The following SRPRB variants were observed in gnomAD, a reference collection of about 807,000 sequenced individuals.
SRPRB encodes SRP receptor subunit beta.
In SRPRB, 20 loss-of-function variants were observed where a neutral mutation model predicts 31.9. That is an observed-to-expected ratio of 0.63 (90% confidence interval 0.44 to 0.91). The LOEUF is 0.91. Ranked by LOEUF, SRPRB falls within the 40% of genes least tolerant of loss-of-function variation. SRPRB has a pLI of 0.00. For missense variants in SRPRB, 321 were observed against 324.9 expected (o/e 0.99, Z 0.09); for synonymous variants, 146 against 132.8 (o/e 1.10, Z -0.68).
At chr3:133,789,659 C>T (rs528770351) in intron 1 of SRPRB, 12 of 152,216 alleles carry the variant, frequency 7.9e-5, no homozygotes, top group Admixed American at 3.9e-4. Context: ...GTAAATAAGT[C>T]GAAGCAATTT....
At chr3:133,797,406 C>T (rs1234502123) in intron 1 of SRPRB, among the ~76,000 whole-genome samples, 1 of 152,132 alleles carries the variant, frequency 6.6e-6, no homozygotes, top group African/African-American at 2.4e-5. Flanking sequence ...TATAGCCTTG[C>T]TTTGTATGTG....
chr3:133,818,152 T>C (rs1273824909), intron 6 of SRPRB, among the ~76,000 whole-genome samples: 6 of 152,290 alleles, frequency 3.9e-5, no homozygotes, highest in African/African-American at 1.2e-4. Flanking sequence ...ATTGGAACAA[T>C]TGGATGGTTG....
chr3:133,787,125 T>TA (rs1464925104), intron 1 of SRPRB: 1 of 152,254 alleles, frequency 6.6e-6, no homozygotes, highest in Non-Finnish European at 1.5e-5. Flanking sequence ...TTTTGCTGTG[T>TA]ATGTAGAGTA....
chr3:133,817,839 T>C (rs1007238675), intron 6 of SRPRB, among the ~76,000 whole-genome samples: 2 of 152,234 alleles, frequency 1.3e-5, no homozygotes, highest in African/African-American at 2.4e-5. Flanking sequence ...AATGTGTTCC[T>C]GTACTCAGGA....
downstream of SRPRB, chr3:133,824,762 A>G (rs1935530042): frequency 6.6e-6 from 1 of 152,214 alleles, no homozygotes; most frequent in Non-Finnish European, 1.5e-5. Flanking sequence ...TGCTGGGAAG[A>G]ACCTAGTGTC....
chr3:133,795,734 C>T (rs1934951284), intron 1 of SRPRB: 1 of 152,056 alleles, frequency 6.6e-6, no homozygotes, highest in African/African-American at 2.4e-5. Flanking sequence ...TGCCACCACG[C>T]CCGGCTAATT....
upstream of SRPRB, among the ~76,000 whole-genome samples, chr3:133,804,541 T>C (rs531191868): frequency 2.6e-5 from 4 of 152,312 alleles, no homozygotes; most frequent in East Asian, 7.7e-4. Context: ...ATGGCATCAG[T>C]ACTAGGTTGG....
intron 1 of SRPRB, 121 bp downstream of exon 1, chr3:133,806,123 G>A: frequency 1.5e-6 from 2 of 1,321,604 alleles, no homozygotes; most frequent in Non-Finnish European, 2.1e-6. Context: ...AGGAGGGTGA[G>A]ACCCACCCAG....
intron 4 of SRPRB, among the ~76,000 whole-genome samples, chr3:133,813,672 GATT>G (rs577747944): frequency 5.8e-4 from 88 of 152,290 alleles, no homozygotes; most frequent in African/African-American, 2.0e-3. Flanking sequence ...TTGGGGTGCT[GATT>G]ATTCTCTTTG....
intron 1 of SRPRB, chr3:133,786,415 G>A (rs1047855165): frequency 6.6e-6 from 1 of 152,148 alleles, no homozygotes; most frequent in Non-Finnish European, 1.5e-5. Flanking sequence ...TTGTGTTTGT[G>A]CACTGGTTCA....
At chr3:133,818,769 T>A (rs1935410248) in intron 6 of SRPRB, among the ~76,000 whole-genome samples, 1 of 149,280 alleles carries the variant, frequency 6.7e-6, no homozygotes, top group South Asian at 2.2e-4. Flanking sequence ...GTATTGTTTT[T>A]TAAAAATACT....
At position 133,805,881 on chromosome 3, in the gene SRPRB, T is replaced by C. The variant is rs1559889838; in HGVS notation, c.33T>C (p.Asp11=). 1.9e-6 allele frequency: 3 copies of C among 1,612,628 alleles called. No individual in the cohort carries two copies. The highest frequency in any genetic ancestry group is 1.1e-5 in the South Asian group (1 of 90,904). The change falls in exon 1 of 7, where the codon GAT becomes GAC. Residue 11 remains aspartate (D), a synonymous_variant. Transcript: ENST00000678299. The part of the protein sequence containing the change: MASADSRRVA[D]GGGAGGTFQP... ...CCGCGGACTCGCGCCGGGTGGCAGA[T>C]GGCGGCGGTGCCGGGGGCACCTTCC...
downstream of SRPRB, among the ~76,000 whole-genome samples, chr3:133,822,604 T>C (rs961396516): frequency 3.9e-5 from 6 of 152,216 alleles, no homozygotes; most frequent in African/African-American, 1.4e-4. Context: ...CAGTGCCTCC[T>C]GGGCTGTCAG....
At chr3:133,806,097 G>GCGCCTTGAGGGCATCAGGAGGGTGAGA (rs1559889951) in intron 1 of SRPRB, 95 bp downstream of exon 1, 3 of 1,492,968 alleles carry the variant, frequency 2.0e-6, no homozygotes, top group African/African-American at 2.8e-5. Context: ...GGCTGAGAGG[G>GCGCCTTGAGGGCATCAGGAGGGTGAGA]CGCCTTGAGG....
At chr3:133,808,684 A>AGAC (rs1236803575) in intron 3 of SRPRB, among the ~76,000 whole-genome samples, 1 of 151,954 alleles carries the variant, frequency 6.6e-6, no homozygotes, top group Non-Finnish European at 1.5e-5. Context: ...TGAGGTCAGG[A>AGAC]GTTCAAGACC....
chr3:133,819,172 T>A (rs1393674519), intron 6 of SRPRB, among the ~76,000 whole-genome samples: 1 of 152,206 alleles, frequency 6.6e-6, no homozygotes, highest in Admixed American at 6.5e-5. Context: ...ACATACCCTA[T>A]CTACCCACAC....
At chr3:133,823,849 A>G (rs1935512239), downstream of SRPRB, among the ~76,000 whole-genome samples, 1 of 152,086 alleles carries the variant, frequency 6.6e-6, no homozygotes, top group African/African-American at 2.4e-5. Context: ...TCTGAAAATC[A>G]CCAGAAGCAT....
At chr3:133,827,151 G>A (rs1163071022), downstream of SRPRB, 1 of 152,378 alleles carries the variant, frequency 6.6e-6, no homozygotes, top group Non-Finnish European at 1.5e-5. Context: ...AGTCCTGCCA[G>A]ATTCTGCTGC....
At chr3:133,810,403 T>A (rs927399638) in intron 3 of SRPRB, 1 of 152,226 alleles carries the variant, frequency 6.6e-6, no homozygotes, top group South Asian at 2.1e-4. Flanking sequence ...CAGCCACGTT[T>A]ACACTGAATA....
Sources: gnomAD v4.1 joint callset for allele counts (sites outside exome capture counted in the v4.1 genomes callset) on GRCh38, gnomAD v4.1.1 for gene constraint, MANE v1.5 for transcripts, NCBI Gene and HGNC (gene_info 2026-07-23, HGNC 2026-07-21) for gene names.